Variants in TUT7 observed in about 807,000 individuals in gnomAD.
The protein encoded by TUT7 is terminal uridylyltransferase 7.
TUT7 carries 33 observed loss-of-function variants against 165.9 expected under a neutral mutation model. The ratio of observed to expected loss-of-function variants is 0.20; its 90% confidence interval spans 0.15 to 0.27. The LOEUF (loss-of-function observed/expected upper bound fraction) is 0.27, where lower values mean the gene tolerates loss of function less well. Among genes scored for constraint, TUT7 ranks in the 10% least tolerant of loss-of-function variants. The pLI is 1.00. For synonymous variants in TUT7, 552 were observed against 608.1 expected (o/e 0.91, Z 1.36); for missense variants, 1,338 against 1,762.3 (o/e 0.76, Z 4.31).
chr9:86,345,696 C>G lies in TUT7; in HGVS notation c.792G>C (p.Lys264Asn), dbSNP rs1831693445. The G allele has an allele frequency of 6.2e-7, 1 of 1,613,004 alleles. No individual in the cohort carries two copies. Among genetic ancestry groups the G allele is most frequent in the Non-Finnish European group, 8.5e-7 (1 of 1,179,346 alleles). The change falls in exon 4 of 27, where the codon AAG (lysine) becomes AAC (asparagine). Residue 264 changes from lysine to asparagine, a missense_variant. Around this residue, in one of 7 missense-constraint regions of TUT7, gnomAD observed 434 missense variants for 480.8 expected, o/e 0.90. Coordinates refer to ENST00000375963, the MANE Select transcript of TUT7 (RefSeq NM_024617.4). ...ESIAFAHKHI[K>N]EKRHKKNIKE... ...TAATGTTTTTCTTGTGCCTCTTTTC[C>G]TTGATATGCTTATGGGCAAATGCAA...
chr9:86,297,204 T>TGA lies in TUT7; in HGVS notation c.4420+4070_4420+4071dup, dbSNP rs1177956727. ...ACAATGCTGGCACTGGAAGACTTGGTGATACCCTGAAGGAATAATAACATC... is the reference window on the plus strand; with the variant it reads ...ACAATGCTGGCACTGGAAGACTTGGTGAGATACCCTGAAGGAATAATAACATC... On this transcript the variant is annotated intron_variant, in intron 26 of 26. Transcript: ENST00000375963. Among the ~76,000 whole-genome samples, 3 of 152,332 alleles carry TGA rather than the reference T, an allele frequency of 2.0e-5. No individual in the cohort carries two copies. In the East Asian group the frequency reaches 5.8e-4, roughly 29 times the overall value.
At position 86,343,088 on chromosome 9, in the gene TUT7, T is replaced by C. The variant is rs1445245185; in HGVS notation, c.1073A>G (p.Gln358Arg). 3 of 1,602,512 alleles carry C rather than the reference T, an allele frequency of 1.9e-6. No individual in the cohort carries two copies. In the Admixed American group the frequency reaches 5.1e-5, roughly 27 times the overall value. The part of the protein sequence containing the change: ...FKNSDVNIDI[Q>R]FPAIMSQPDV... ...TTTTGTACTTACAATGGCTGGAAACTGGATGTCAATGTTTACATCCGAATT... is the reference window on the plus strand; with the variant it reads ...TTTTGTACTTACAATGGCTGGAAACCGGATGTCAATGTTTACATCCGAATT... The change falls in exon 6 of 27, where the codon CAG (glutamine) becomes CGG (arginine). Residue 358 changes from glutamine to arginine, a missense_variant. By Grantham distance (43) the Gln-to-Arg change is conservative. This residue lies in a region of TUT7 where 434 missense variants were observed against 480.8 expected (regional missense o/e 0.90). Transcript: ENST00000375963.
In TUT7 at chr9:86,352,724, A is replaced by G; in HGVS notation, c.476T>C (p.Leu159Pro). 2 of 1,614,194 alleles carry G rather than the reference A, an allele frequency of 1.2e-6. No homozygotes were observed. Among genetic ancestry groups the G allele is most frequent in the South Asian group, 2.2e-5 (2 of 91,080 alleles). ...TTCTGACGTGGTTTCTAGGCTTGTT[A>G]GGTCTTTATGAAACAGTCGTCTTAC... ...RTVRRLFHKDLTSLETTSEME... is the reference protein window; with the variant it reads ...RTVRRLFHKDPTSLETTSEME... The change falls in exon 2 of 27, where the codon CTA becomes CCA. Residue 159 changes from leucine to proline, a missense_variant. Coordinates refer to ENST00000375963, the MANE Select transcript of TUT7 (RefSeq NM_024617.4).
intron 5 of TUT7, 25 bp from the exon 6 acceptor site, chr9:86,343,188 AG>A: frequency 7.3e-7 from 1 of 1,364,030 alleles, no homozygotes; most frequent in South Asian, 1.4e-5. Flanking sequence ...AATAAATAAA[AG>A]TAATAAATAC....
Position 86,288,193 on chromosome 9 carries a change from A to G in TUT7, c.*484T>C, listed in dbSNP as rs1825668698. On this transcript the variant is annotated 3_prime_UTR_variant, in exon 27 of 27. Coordinates refer to ENST00000375963, the MANE Select transcript of TUT7 (RefSeq NM_024617.4). ...AATAGCAATAAAATGATGTCCGTAAATCGGAAGTACAGCAGTAGCAGTTCA... is the reference window on the plus strand; with the variant it reads ...AATAGCAATAAAATGATGTCCGTAAGTCGGAAGTACAGCAGTAGCAGTTCA... 1 of 152,394 alleles carries G rather than the reference A, an allele frequency of 6.6e-6. No individual in the cohort carries two copies. Among genetic ancestry groups the G allele is most frequent in the Non-Finnish European group, 1.5e-5 (1 of 68,180 alleles). The allele number at this position is 152,394 out of a possible 1,614,324, so 9.4% of individuals were successfully genotyped here. A position where few individuals can be genotyped will look rare whatever the true frequency, so the allele number is the denominator to read the frequency against.
chr9:86,328,861 C>T (rs1325220135), intron 10 of TUT7, among the ~76,000 whole-genome samples: 3 of 151,882 alleles, frequency 2.0e-5, no homozygotes, highest in Non-Finnish European at 2.9e-5. Context: ...GCCTCAGGTT[C>T]CTTTAAAAAG....
chr9:86,298,793 GT>G (rs752805559), intron 26 of TUT7: 1 of 985,002 alleles, frequency 1.0e-6, no homozygotes, highest in East Asian at 1.1e-4. Flanking sequence ...AAATATTGTT[GT>G]TTTTTGTTTC....
At chr9:86,331,966 G>C in intron 10 of TUT7, among the ~76,000 whole-genome samples, 1 of 152,124 alleles carries the variant, frequency 6.6e-6, no homozygotes, top group East Asian at 1.9e-4. Context: ...CTTTTCTGAA[G>C]AAGACATACA....
At chr9:86,332,104 T>C (rs1044956629) in intron 10 of TUT7, among the ~76,000 whole-genome samples, 3 of 152,140 alleles carry the variant, frequency 2.0e-5, no homozygotes, top group Non-Finnish European at 4.4e-5. Context: ...TACCAGATGC[T>C]GGCAAGGTTG....
intron 4 of TUT7, 69 bp downstream of exon 4, chr9:86,345,600 A>G: frequency 8.6e-7 from 1 of 1,157,578 alleles, no homozygotes. Context: ...AAGGAGAAGA[A>G]AGCCACAAAG....
chr9:86,333,106 T>C (rs1270882453), intron 10 of TUT7, among the ~76,000 whole-genome samples: 1 of 152,176 alleles, frequency 6.6e-6, no homozygotes, highest in African/African-American at 2.4e-5. Context: ...ATTTTAATCA[T>C]TTATTTTACT....
chr9:86,340,952 C>T, intron 7 of TUT7, 50 bp downstream of exon 7: 2 of 1,413,412 alleles, frequency 1.4e-6, no homozygotes, highest in Admixed American at 1.8e-5. Flanking sequence ...TAAGATAGAT[C>T]CAAATTATAG....
intron 10 of TUT7, among the ~76,000 whole-genome samples, chr9:86,330,339 C>T (rs1353553498): frequency 2.6e-5 from 4 of 152,174 alleles, no homozygotes; most frequent in Admixed American, 2.0e-4. Flanking sequence ...TGATTACAGG[C>T]GTGAGCCACC....
chr9:86,323,641 A>G lies in TUT7; in HGVS notation c.2109T>C (p.Ser703=). ...TTTCTTCTTTTGGTGGGCTTCCAAA[A>G]CTTTCAGCAGTCTCTTTAAGAGTAA... is the stretch of plus-strand genomic sequence containing the variant. ...QPLTLKETAE[S]FGSPPKEEMG... is the part of the protein sequence containing the mutation. The change falls in exon 13 of 27, where the codon AGT becomes AGC. Residue 703 remains serine (S), a synonymous_variant. Coordinates refer to ENST00000375963, the MANE Select transcript of TUT7 (RefSeq NM_024617.4). 8.7e-6 allele frequency: 14 copies of G among 1,614,144 alleles called. No individual in the cohort carries two copies. The highest frequency in any genetic ancestry group is 1.2e-5 in the Non-Finnish European group (14 of 1,180,038).
chr9:86,351,335 A>T (rs753967511), intron 2 of TUT7, among the ~76,000 whole-genome samples: 3 of 151,962 alleles, frequency 2.0e-5, no homozygotes, highest in Non-Finnish European at 4.4e-5. Flanking sequence ...ACTTTGGGGG[A>T]TGAGACAGGA....
rs979331371 is a variant in TUT7, at chr9:86,345,805, A to G, written c.703-20T>C. 1 of 1,517,200 alleles carries G rather than the reference A, an allele frequency of 6.6e-7. No individual in the cohort carries two copies. 94.0% of individuals were successfully genotyped at this position (1,517,200 alleles called of 1,614,324 possible). A position where few individuals can be genotyped will look rare whatever the true frequency, so the allele number is the denominator to read the frequency against. On this transcript the variant is annotated intron_variant, in intron 3 of 26. Coordinates refer to ENST00000375963, the MANE Select transcript of TUT7 (RefSeq NM_024617.4). The stretch of plus-strand genomic sequence containing the variant: ...TGGTCGCTATAATTTGAAGAGATTT[A>G]TTTAGAGAGAGACATAAGTAAAACC...
Position 86,328,443 on chromosome 9 carries a change from A to G in TUT7, c.1505T>C (p.Ile502Thr). The change falls in exon 11 of 27, where the codon ATT becomes ACT. Residue 502 changes from isoleucine (I) to threonine (T), a missense_variant. Physicochemically the swap from Ile to Thr is moderately conservative, Grantham distance 89 (BLOSUM62 -1). Coordinates refer to ENST00000375963, the MANE Select transcript of TUT7 (RefSeq NM_024617.4). The stretch of plus-strand genomic sequence containing the variant: ...TTCCCAGATCACAACATCTTTTTCA[A>G]TGTCTTGAAGGTTGAAATTCCCTAG... ...SKLGNFNLQD[I>T]EKDVVIWEHT... is the part of the protein sequence containing the mutation. The G allele has an allele frequency of 6.2e-7, 1 of 1,612,508 alleles. No individual in the cohort carries two copies.
chr9:86,338,704 T>C, intron 9 of TUT7, 119 bp downstream of exon 9: 1 of 1,175,096 alleles, frequency 8.5e-7, no homozygotes, highest in Non-Finnish European at 1.1e-6. Context: ...TTCAGATGTC[T>C]TTCTCTTTTG....
intron 2 of TUT7, among the ~76,000 whole-genome samples, chr9:86,352,280 AT>A (rs1201610126): frequency 1.3e-5 from 2 of 152,276 alleles, no homozygotes; most frequent in Admixed American, 6.5e-5. Context: ...AAAGCTTTAT[AT>A]TCTGTCATTT....
Sources: gnomAD v4.1 joint callset for allele counts (sites outside exome capture counted in the v4.1 genomes callset) on GRCh38, gnomAD v4.1.1 for gene constraint, gnomAD v4.1.1 regional missense constraint, MANE v1.5 for transcripts, NCBI Gene and HGNC (gene_info 2026-07-23, HGNC 2026-07-21) for gene names.